OLFM3: variants seen among roughly 807,000 people sequenced by gnomAD.
OLFM3 encodes the protein noelin-3.
OLFM3 carries 20 observed loss-of-function variants against 48.6 expected under a neutral mutation model. That is an observed-to-expected ratio of 0.41 (90% CI 0.29 to 0.60). OLFM3 has a LOEUF of 0.60. Among genes scored for constraint, OLFM3 ranks in the 20% least tolerant of loss-of-function variants. OLFM3 has a pLI of 0.28. For missense variants in OLFM3, 437 were observed against 544.3 expected, an observed-to-expected ratio of 0.80 and a Z score of 1.96; for synonymous variants, 222 against 198.1, an observed-to-expected ratio of 1.12 and a Z score of -1.01.
At chr1:101,921,949 C>T (rs907168805) in intron 1 of OLFM3, among the ~76,000 whole-genome samples, 1 of 152,080 alleles carries the variant, frequency 6.6e-6, no homozygotes, top group Non-Finnish European at 1.5e-5. Flanking sequence ...GTCCCAGCTA[C>T]TCGGGAGGCT....
chr1:101,960,363 C>A lies in OLFM3; in HGVS notation c.69+36385G>T, dbSNP rs114951968. Among the ~76,000 whole-genome samples, 579 of 152,218 alleles carry A rather than the reference C, an allele frequency of 3.8e-3. 3 individuals carry two copies. The highest frequency in any genetic ancestry group is 8.1e-3 in the South Asian group (39 of 4,820). On this transcript the variant is annotated intron_variant, in intron 1 of 5. Coordinates refer to ENST00000370103, the MANE Select transcript of OLFM3 (RefSeq NM_058170.4). ...GCACTCTGCAGTGACTGCAACATGC[C>A]GGGAGCTTAGAGCAAGGCAGGGAGT...
intron 1 of OLFM3, among the ~76,000 whole-genome samples, chr1:101,972,709 C>G (rs1459213296): frequency 6.6e-6 from 1 of 152,114 alleles, no homozygotes; most frequent in Non-Finnish European, 1.5e-5. Context: ...CTATAAGAAA[C>G]AAGACTTTAT....
At chr1:101,987,696 C>T (rs748129663) in intron 1 of OLFM3, among the ~76,000 whole-genome samples, 9 of 152,086 alleles carry the variant, frequency 5.9e-5, no homozygotes, top group Non-Finnish European at 1.0e-4. Context: ...ATCTTGCCAT[C>T]TGGAATTGGT....
chr1:101,949,797 G>A (rs1660067489), intron 1 of OLFM3, among the ~76,000 whole-genome samples: 3 of 151,950 alleles, frequency 2.0e-5, no homozygotes, highest in South Asian at 2.1e-4. Context: ...GGGCGTCGTG[G>A]TGGGCACCTG....
At chr1:101,871,678 T>C (rs893909733) in intron 1 of OLFM3, among the ~76,000 whole-genome samples, 8 of 152,050 alleles carry the variant, frequency 5.3e-5, no homozygotes, top group Admixed American at 5.3e-4. Context: ...ACAAATCATA[T>C]TTATAATCTA....
intron 1 of OLFM3, among the ~76,000 whole-genome samples, chr1:101,916,542 A>G (rs1336637896): frequency 6.6e-6 from 1 of 152,182 alleles, no homozygotes; most frequent in Non-Finnish European, 1.5e-5. Flanking sequence ...TTTTAAAAAT[A>G]TATAATTAAA....
chr1:101,963,343 G>C (rs1450674712), intron 1 of OLFM3, among the ~76,000 whole-genome samples: 2 of 152,148 alleles, frequency 1.3e-5, no homozygotes, highest in Non-Finnish European at 2.9e-5. Flanking sequence ...ATTCTTTTCA[G>C]GTGGGAGGGT....
intron 4 of OLFM3, among the ~76,000 whole-genome samples, chr1:101,823,286 T>G (rs988786733): frequency 6.6e-6 from 1 of 152,048 alleles, no homozygotes; most frequent in Non-Finnish European, 1.5e-5. Flanking sequence ...GATTTGGAAG[T>G]GCCTAGCGAG....
intron 1 of OLFM3, among the ~76,000 whole-genome samples, chr1:101,947,453 A>T (rs1461587045): frequency 6.6e-6 from 1 of 152,190 alleles, no homozygotes; most frequent in African/African-American, 2.4e-5. Context: ...AAGACCAAAA[A>T]AATAGCCATT....
intron 1 of OLFM3, among the ~76,000 whole-genome samples, chr1:101,865,854 GA>G (rs1044927168): frequency 2.6e-5 from 4 of 152,146 alleles, no homozygotes; most frequent in Admixed American, 1.3e-4. Flanking sequence ...CTTTAAAAAG[GA>G]AAATAAAGAA....
chr1:101,996,749 T>A lies in OLFM3; in HGVS notation c.68A>T (p.Lys23Met). 6.2e-7 allele frequency: 1 copy of A among 1,614,180 alleles called. No individual in the cohort carries two copies. The part of the protein sequence containing the change: ...LSLFAGLDPS[K>M]TQISPKEGWQ... Reference sequence around the variant, plus strand: ...CAAGACTCAAAATATTGTTCATACCTTGGAAGGATCTAATCCGGCAAACAA... The same window carrying A: ...CAAGACTCAAAATATTGTTCATACCATGGAAGGATCTAATCCGGCAAACAA... The change falls in exon 1 of 6, where the codon AAG becomes ATG. Residue 23 changes from lysine to methionine, a missense_variant and splice_region_variant. This residue lies in a region of OLFM3 where 314 missense variants were observed against 365.5 expected (regional missense o/e 0.86). Coordinates refer to ENST00000370103, the MANE Select transcript of OLFM3 (RefSeq NM_058170.4).
chr1:101,884,263 T>C (rs1657654943), intron 1 of OLFM3, among the ~76,000 whole-genome samples: 1 of 151,790 alleles, frequency 6.6e-6, no homozygotes, highest in Non-Finnish European at 1.5e-5. Context: ...AATACGAAGG[T>C]GAGGAATCTA....
intron 4 of OLFM3, among the ~76,000 whole-genome samples, chr1:101,822,657 A>G (rs1464561090): frequency 6.6e-6 from 1 of 152,148 alleles, no homozygotes; most frequent in African/African-American, 2.4e-5. Flanking sequence ...TAAACTTCAT[A>G]TTGTTGAGGA....
At chr1:101,843,663 A>G (rs1655839934) in intron 1 of OLFM3, among the ~76,000 whole-genome samples, 1 of 152,230 alleles carries the variant, frequency 6.6e-6, no homozygotes, top group Admixed American at 6.5e-5. Flanking sequence ...TGGAAATTTT[A>G]AAACCCCTTT....
intron 1 of OLFM3, among the ~76,000 whole-genome samples, chr1:101,870,935 A>G (rs964186041): frequency 1.4e-4 from 22 of 151,944 alleles, no homozygotes; most frequent in Admixed American, 6.6e-5. Context: ...TCTTGACTTT[A>G]TAACTCTTTT....
intron 3 of OLFM3, among the ~76,000 whole-genome samples, chr1:101,829,211 C>G (rs1348932929): frequency 2.6e-5 from 4 of 152,172 alleles, no homozygotes; most frequent in Non-Finnish European, 4.4e-5. Flanking sequence ...TCATATTCTT[C>G]TCTGTTTACC....
Position 101,825,155 on chromosome 1 carries a change from C to A in OLFM3, c.463G>T (p.Glu155Ter). The A allele has an allele frequency of 6.2e-7, 1 of 1,614,102 alleles. No individual in the cohort carries two copies. The highest frequency in any genetic ancestry group is 8.5e-7 in the Non-Finnish European group (1 of 1,179,974). Residue 155 changes from glutamate (E) to a stop codon, truncating the protein, a stop_gained, in exon 4 of 6, where the codon GAG (glutamate) becomes TAG (stop). Transcript: ENST00000370103. LOFTEE classifies it high-confidence loss of function. ...ACAGCAGACAGATTCCTTATTTCCT[C>A]CTTGAACTGGGTGATTAACTTAGCA... ...TDAKLITQFK[E>*]EIRNLSAVLT...
intron 2 of OLFM3, among the ~76,000 whole-genome samples, chr1:101,834,306 A>T (rs141479427): frequency 6.8e-4 from 103 of 152,382 alleles, no homozygotes; most frequent in African/African-American, 2.5e-3. Context: ...AAAGATAACT[A>T]TCCCTTCTAT....
intron 1 of OLFM3, among the ~76,000 whole-genome samples, chr1:101,968,296 GAAGAAAACTTCACACCAT>G (rs139081658): frequency 0.22 from 33,456 of 152,024 alleles, 4,166 homozygotes; most frequent in East Asian, 0.51. Flanking sequence ...TCCTCATCCA[GAAGAAAACTTCACACCAT>G]AAAGAATTAT....
Sources: allele counts gnomAD v4.1 joint callset (sites outside exome capture counted in the v4.1 genomes callset), GRCh38; gene constraint gnomAD v4.1.1; regional missense constraint gnomAD v4.1.1; transcripts MANE v1.5; gene names NCBI Gene and HGNC (gene_info 2026-07-23, HGNC 2026-07-21).